HHAT: variants seen among roughly 807,000 people sequenced by gnomAD.
HHAT encodes hedgehog acyltransferase, also known as protein-cysteine N-palmitoyltransferase HHAT.
Under a neutral mutation model 70.8 loss-of-function variants are expected in HHAT, and 47 were observed. That is an observed-to-expected ratio of 0.66 (90% CI 0.53 to 0.85). HHAT has a LOEUF of 0.85. HHAT is among the 40% of genes least tolerant of loss of function. The pLI is 0.00. For synonymous variants in HHAT, 228 were observed against 247.6 expected (o/e 0.92, Z 0.74); for missense variants, 609 against 604.8 (o/e 1.01, Z -0.07).
intron 9 of HHAT, among the ~76,000 whole-genome samples, chr1:210,559,096 C>G (rs766117200): frequency 3.3e-5 from 5 of 152,192 alleles, no homozygotes; most frequent in Non-Finnish European, 7.3e-5. Flanking sequence ...CCATAGATAT[C>G]ACAGAGCATG....
chr1:210,519,160 T>C (rs534284625), intron 9 of HHAT, among the ~76,000 whole-genome samples: 1 of 152,310 alleles, frequency 6.6e-6, no homozygotes, highest in African/African-American at 2.4e-5. Flanking sequence ...GCCCCTCAAC[T>C]CTGATTTAGT....
At chr1:210,434,449 T>A (rs1174382314) in intron 7 of HHAT, among the ~76,000 whole-genome samples, 1 of 151,894 alleles carries the variant, frequency 6.6e-6, no homozygotes, top group East Asian at 1.9e-4. Context: ...CTCCTTTCCA[T>A]GTCGGCCGAG....
rs189181130 is a variant in HHAT at position 210,484,355 on chromosome 1, A to T, written c.1007+19700A>T. 9.2e-5 allele frequency among the ~76,000 whole-genome samples: 14 copies of T among 152,320 alleles called. No individual in the cohort carries two copies. In the East Asian group the frequency reaches 2.5e-3, roughly 27 times the overall value. ...GATATTATGCATTCTGGGCAGGAAT[A>T]CTACATAAGAAGTGTTATATCCTTG... On this transcript the variant is annotated intron_variant, in intron 8 of 11. Transcript: ENST00000261458.
At chr1:210,458,775 G>T (rs568144620) in intron 7 of HHAT, among the ~76,000 whole-genome samples, 3 of 152,124 alleles carry the variant, frequency 2.0e-5, no homozygotes, top group Admixed American at 1.3e-4. Flanking sequence ...ATTTTTAGCC[G>T]CTCATTTGTG....
intron 9 of HHAT, among the ~76,000 whole-genome samples, chr1:210,587,082 A>G (rs1398535084): frequency 6.6e-6 from 1 of 152,216 alleles, no homozygotes; most frequent in African/African-American, 2.4e-5. Context: ...TAGGAACGTG[A>G]TCTTACCAAT....
rs199798234 is a variant in HHAT at position 210,571,859 on chromosome 1, C to A, written c.1044-16039C>A. Among the ~76,000 whole-genome samples, 3 of 152,218 alleles carry A rather than the reference C, an allele frequency of 2.0e-5. No individual in the cohort carries two copies. In the East Asian group the frequency reaches 5.8e-4, roughly 29 times the overall value. ...AGAAGACTCTGCTTTGTGTGACACACGTTTAATGTCATCCTTAGACTGCCT... is the reference window on the plus strand; with the variant it reads ...AGAAGACTCTGCTTTGTGTGACACAAGTTTAATGTCATCCTTAGACTGCCT... On this transcript the variant is annotated intron_variant, in intron 9 of 11. Coordinates refer to ENST00000261458, the MANE Select transcript of HHAT (RefSeq NM_018194.6).
At chr1:210,507,839 A>C (rs768567463) in intron 8 of HHAT, among the ~76,000 whole-genome samples, 8 of 152,102 alleles carry the variant, frequency 5.3e-5, no homozygotes, top group Non-Finnish European at 8.8e-5. Flanking sequence ...AAATATTCTA[A>C]TGACAAAAAA....
intron 10 of HHAT, among the ~76,000 whole-genome samples, chr1:210,609,589 A>T (rs1293560290): frequency 6.6e-6 from 1 of 152,082 alleles, no homozygotes; most frequent in African/African-American, 2.4e-5. Context: ...CCATGGTGGT[A>T]TGCTGCACAG....
intron 10 of HHAT, among the ~76,000 whole-genome samples, chr1:210,599,000 C>A (rs1165282451): frequency 6.6e-6 from 1 of 152,068 alleles, no homozygotes; most frequent in East Asian, 1.9e-4. Context: ...TGTTGGTAGA[C>A]TGAGAGCTGA....
At chr1:210,352,719 C>A (rs1247421090) in intron 2 of HHAT, among the ~76,000 whole-genome samples, 1 of 152,102 alleles carries the variant, frequency 6.6e-6, no homozygotes, top group East Asian at 1.9e-4. Flanking sequence ...AGCAAATCCA[C>A]AGCAGGGACT....
intron 10 of HHAT, among the ~76,000 whole-genome samples, chr1:210,619,655 TCCCTGGC>T (rs1005510410): frequency 6.6e-6 from 1 of 152,148 alleles, no homozygotes; most frequent in African/African-American, 2.4e-5. Context: ...GCGCTTATTA[TCCCTGGC>T]CCCTGCCCAC....
intron 11 of HHAT, among the ~76,000 whole-genome samples, chr1:210,673,171 G>C (rs111522927): frequency 0.026 from 3,952 of 152,114 alleles, 61 homozygotes; most frequent in Middle Eastern, 0.061. Context: ...GCGCCTTCCT[G>C]TCTCATTGCC....
chr1:210,498,105 G>T (rs572153594), intron 8 of HHAT, among the ~76,000 whole-genome samples: 1 of 151,794 alleles, frequency 6.6e-6, no homozygotes, highest in African/African-American at 2.4e-5. Context: ...CAACTTCTGT[G>T]GTCAGGGACT....
intron 6 of HHAT, among the ~76,000 whole-genome samples, chr1:210,410,201 A>C (rs1348462043): frequency 1.3e-5 from 2 of 150,422 alleles, no homozygotes; most frequent in East Asian, 2.0e-4. Context: ...TACAGGTGCC[A>C]GCCACCACGC....
intron 7 of HHAT, among the ~76,000 whole-genome samples, chr1:210,456,830 T>C (rs944560923): frequency 6.6e-6 from 1 of 152,228 alleles, no homozygotes; most frequent in African/African-American, 2.4e-5. Context: ...GAATTCCTTT[T>C]GCTTCTTTAG....
chr1:210,582,208 G>A (rs776741998), intron 9 of HHAT, among the ~76,000 whole-genome samples: 7 of 152,132 alleles, frequency 4.6e-5, no homozygotes, highest in Admixed American at 1.3e-4. Context: ...CCAAAGGCAC[G>A]GAGCTGTCAA....
chr1:210,533,114 C>A (rs565017679), intron 9 of HHAT, among the ~76,000 whole-genome samples: 5 of 152,136 alleles, frequency 3.3e-5, no homozygotes, highest in Non-Finnish European at 5.9e-5. Context: ...GCACTTTGTT[C>A]AATATAAATG....
intron 6 of HHAT, among the ~76,000 whole-genome samples, chr1:210,407,326 T>C (rs114023038): frequency 8.1e-4 from 124 of 152,318 alleles, no homozygotes; most frequent in African/African-American, 2.9e-3. Context: ...ATTGGAAATA[T>C]TGAAATGCAT....
chr1:210,339,410 A>G (rs1468499423), intron 1 of HHAT, among the ~76,000 whole-genome samples: 1 of 120,700 alleles, frequency 8.3e-6, no homozygotes, highest in Non-Finnish European at 1.7e-5. Context: ...CTCCTCCCAT[A>G]AAGAAGTATG....
Sources: allele counts gnomAD v4.1 joint callset (sites outside exome capture counted in the v4.1 genomes callset), GRCh38; gene constraint gnomAD v4.1.1; transcripts MANE v1.5; gene names NCBI Gene and HGNC (gene_info 2026-07-23, HGNC 2026-07-21).